Variants in DRC10 observed in about 807,000 individuals in gnomAD.
DRC10 encodes IQ domain-containing protein D.
chr12:113,208,581 A>G, the DRC10 span: 1 of 172,308 alleles, frequency 5.8e-6, no homozygotes, highest in South Asian at 1.3e-4. Context: ...GGGAAGACAA[A>G]GCCATCCCGC....
At chr12:113,198,531 C>A in the DRC10 span, among the ~76,000 whole-genome samples, 1 of 152,300 alleles carries the variant, frequency 6.6e-6, no homozygotes, top group South Asian at 2.1e-4. Flanking sequence ...ATGCCAGACA[C>A]AACGGCCACA....
At chr12:113,215,564 G>A in the DRC10 span, among the ~76,000 whole-genome samples, 2 of 152,070 alleles carry the variant, frequency 1.3e-5, no homozygotes, top group Non-Finnish European at 2.9e-5. Context: ...CATTATTCAT[G>A]TTCTCCTGTT....
the DRC10 span, chr12:113,200,939 G>C: frequency 1.6e-6 from 1 of 635,804 alleles, no homozygotes; most frequent in African/African-American, 1.8e-5. Context: ...AGGAGTTTGA[G>C]ACCAGCCTGG....
the DRC10 span, among the ~76,000 whole-genome samples, chr12:113,210,604 GA>G: frequency 1.2e-5 from 1 of 84,340 alleles, no homozygotes; most frequent in Non-Finnish European, 2.5e-5. Context: ...TCTTAAAAAA[GA>G]AAAAAAGAAA....
At chr12:113,216,725 C>T in the DRC10 span, among the ~76,000 whole-genome samples, 1 of 152,164 alleles carries the variant, frequency 6.6e-6, no homozygotes, top group Admixed American at 6.5e-5. Flanking sequence ...GGTTGTAACC[C>T]TTTACTGGGC....
chr12:113,201,743 C>T, the DRC10 span, among the ~76,000 whole-genome samples: 4 of 152,348 alleles, frequency 2.6e-5, no homozygotes, highest in South Asian at 8.3e-4. Flanking sequence ...GCTCACGCCA[C>T]CATCTTGGGC....
chr12:113,202,038 A>G, the DRC10 span, among the ~76,000 whole-genome samples: 3 of 152,234 alleles, frequency 2.0e-5, no homozygotes, highest in Non-Finnish European at 4.4e-5. Context: ...AGCTGGTTCT[A>G]GCACCTGAAT....
At chr12:113,220,668 T>A in the DRC10 span, among the ~76,000 whole-genome samples, 1 of 152,168 alleles carries the variant, frequency 6.6e-6, no homozygotes, top group African/African-American at 2.4e-5. Flanking sequence ...GGGAGGGGAC[T>A]TATAAACTCC....
the DRC10 span, among the ~76,000 whole-genome samples, chr12:113,218,507 C>T: frequency 1.3e-5 from 2 of 151,548 alleles, no homozygotes; most frequent in South Asian, 4.2e-4. Flanking sequence ...AGCAGTGCAA[C>T]CATGGATTAC....
the DRC10 span, among the ~76,000 whole-genome samples, chr12:113,218,025 A>C: frequency 6.6e-6 from 1 of 152,318 alleles, no homozygotes; most frequent in East Asian, 1.9e-4. Context: ...GGCATCTTGT[A>C]GGTAGAGGCT....
the DRC10 span, chr12:113,197,716 C>T: frequency 1.4e-3 from 993 of 732,100 alleles, 1 homozygote; most frequent in African/African-American, 0.016. Flanking sequence ...TGACATGCCT[C>T]GCCTATTGAA....
the DRC10 span, among the ~76,000 whole-genome samples, chr12:113,216,387 A>G: frequency 6.6e-6 from 1 of 152,224 alleles, no homozygotes; most frequent in African/African-American, 2.4e-5. Context: ...GGAGGGATGA[A>G]TAGGCAGAAC....
At chr12:113,219,006 T>A in the DRC10 span, among the ~76,000 whole-genome samples, 2 of 152,116 alleles carry the variant, frequency 1.3e-5, no homozygotes, top group African/African-American at 4.8e-5. Context: ...AAGAGTGGAA[T>A]TGCTAGGTTA....
the DRC10 span, among the ~76,000 whole-genome samples, chr12:113,196,643 T>C: frequency 6.6e-6 from 1 of 152,196 alleles, no homozygotes; most frequent in Non-Finnish European, 1.5e-5. Flanking sequence ...AGGTTCTGAC[T>C]TGCCCTTCTC....
At chr12:113,207,506 T>C in the DRC10 span, 9 of 1,614,114 alleles carry the variant, frequency 5.6e-6, no homozygotes, top group African/African-American at 9.3e-5. Context: ...TGTTGGTTAT[T>C]ACTATTCTGT....
At chr12:113,206,060 CA>C in the DRC10 span, 13 of 144,040 alleles carry the variant, frequency 9.0e-5, no homozygotes, top group Admixed American at 7.0e-5. Context: ...ACTAAAAATA[CA>C]AAAAAAAAAT....
chr12:113,213,969 A>G, the DRC10 span, among the ~76,000 whole-genome samples: 1 of 151,996 alleles, frequency 6.6e-6, no homozygotes, highest in Non-Finnish European at 1.5e-5. Flanking sequence ...AAAAAACAAA[A>G]AAACCAAGGT....
chr12:113,209,526 G>A, the DRC10 span, among the ~76,000 whole-genome samples: 1 of 152,138 alleles, frequency 6.6e-6, no homozygotes, highest in East Asian at 1.9e-4. Flanking sequence ...CAAGTAGCTA[G>A]GACTATAGGT....
At chr12:113,207,677 G>A in the DRC10 span, 1 of 1,614,066 alleles carries the variant, frequency 6.2e-7, no homozygotes, top group Non-Finnish European at 8.5e-7. Context: ...CTAGCAGCCT[G>A]GGGGTTGCTG....
Sources: gnomAD v4.1 joint callset for allele counts (sites outside exome capture counted in the v4.1 genomes callset) on GRCh38, gnomAD v4.1.1 for gene constraint, MANE v1.5 for transcripts, NCBI Gene and HGNC (gene_info 2026-07-23, HGNC 2026-07-21) for gene names.